The following ANKS1B variants were observed in gnomAD, a reference collection of about 807,000 sequenced individuals.
ANKS1B encodes the protein ankyrin repeat and sterile alpha motif domain containing 1B, also known as ankyrin repeat and sterile alpha motif domain-containing protein 1B.
A neutral mutation model predicts 148.3 loss-of-function variants in ANKS1B; 36 were observed. That is an observed-to-expected ratio of 0.24 (90% confidence interval 0.19 to 0.32). ANKS1B has a LOEUF of 0.32. Ranked by LOEUF, ANKS1B falls within the 10% of genes least tolerant of loss-of-function variation. The probability of loss-of-function intolerance (pLI) is 1.00; values close to 1 mark genes in which losing one functional copy is unlikely to be tolerated. For missense variants in ANKS1B, 1,157 were observed against 1,542.6 expected (o/e 0.75, Z 4.19); for synonymous variants, 542 against 560.8 (o/e 0.97, Z 0.47).
chr12:98,867,071 T>C (rs984757449), intron 17 of ANKS1B, among the ~76,000 whole-genome samples: 1 of 152,218 alleles, frequency 6.6e-6, no homozygotes, highest in South Asian at 2.1e-4. Context: ...GGAAAAACTA[T>C]ATGCAGAAAC....
intron 1 of ANKS1B, among the ~76,000 whole-genome samples, chr12:99,913,458 T>A (rs2094070158): frequency 6.6e-6 from 1 of 152,214 alleles, no homozygotes; most frequent in South Asian, 2.1e-4. Flanking sequence ...TCCTGAGGCC[T>A]AAGAAAGCTA....
chr12:99,036,690 AG>A (rs1331753365), intron 17 of ANKS1B, among the ~76,000 whole-genome samples: 19 of 152,384 alleles, frequency 1.2e-4, no homozygotes, highest in African/African-American at 4.1e-4. Context: ...ACTGGAGAAG[AG>A]ACTGCAATGA....
chr12:98,955,404 C>T (rs2099860537), intron 17 of ANKS1B, among the ~76,000 whole-genome samples: 1 of 152,032 alleles, frequency 6.6e-6, no homozygotes, highest in African/African-American at 2.4e-5. Flanking sequence ...GTAGAAGGAG[C>T]TTGCAGGAGA....
In ANKS1B at chr12:99,533,841, G is replaced by C. The variant is rs529126063; in HGVS notation, c.1273-29200C>G. ...ACACAGAGTAGACTTTCAAAATATT[G>C]AATTATTTATGTTAAATGACTCAAT... On this transcript the variant is annotated intron_variant, in intron 9 of 26. Transcript: ENST00000683438. Among the ~76,000 whole-genome samples, 7 of 151,976 alleles carry C rather than the reference G, an allele frequency of 4.6e-5. No homozygotes were observed. In the South Asian group the frequency reaches 1.3e-3, roughly 27 times the overall value.
intron 9 of ANKS1B, among the ~76,000 whole-genome samples, chr12:99,618,010 C>T (rs943966155): frequency 1.3e-5 from 2 of 152,108 alleles, no homozygotes; most frequent in African/African-American, 4.8e-5. Flanking sequence ...TACAATTTAG[C>T]TCCTAACCAC....
At chr12:99,643,442 C>T (rs556335401) in intron 9 of ANKS1B, among the ~76,000 whole-genome samples, 24 of 152,146 alleles carry the variant, frequency 1.6e-4, no homozygotes, top group Admixed American at 1.4e-3. Flanking sequence ...GTCAACAGTC[C>T]GAAGCAATTC....
intron 9 of ANKS1B, among the ~76,000 whole-genome samples, chr12:99,617,243 A>T (rs1169475111): frequency 1.3e-5 from 2 of 152,232 alleles, no homozygotes; most frequent in African/African-American, 4.8e-5. Flanking sequence ...GCAATTCCTC[A>T]ATGATATAAA....
intron 9 of ANKS1B, among the ~76,000 whole-genome samples, chr12:99,573,345 G>A (rs1444250783): frequency 6.6e-6 from 1 of 151,900 alleles, no homozygotes; most frequent in African/African-American, 2.4e-5. Context: ...AAAATATCTA[G>A]ACATACATTG....
At chr12:99,167,843 A>G (rs2153834628) in intron 14 of ANKS1B, among the ~76,000 whole-genome samples, 1 of 152,358 alleles carries the variant, frequency 6.6e-6, no homozygotes, top group South Asian at 2.1e-4. Flanking sequence ...TGGCATATCT[A>G]TACAACTGAA....
intron 14 of ANKS1B, among the ~76,000 whole-genome samples, chr12:99,167,957 T>C (rs1242643258): frequency 6.6e-6 from 1 of 152,216 alleles, no homozygotes; most frequent in Non-Finnish European, 1.5e-5. Flanking sequence ...AAAGAATACA[T>C]TCTGTATGAT....
At chr12:99,087,349 T>G (rs540365358) in intron 15 of ANKS1B, among the ~76,000 whole-genome samples, 20 of 152,146 alleles carry the variant, frequency 1.3e-4, no homozygotes, top group Non-Finnish European at 2.6e-4. Flanking sequence ...ACAAAAGCAT[T>G]CCACCTACTC....
At chr12:99,289,884 C>G (rs1233340713) in intron 12 of ANKS1B, among the ~76,000 whole-genome samples, 8 of 151,292 alleles carry the variant, frequency 5.3e-5, no homozygotes, top group Admixed American at 5.3e-4. Context: ...AAAGCTAGAA[C>G]AAAACAAACA....
At chr12:99,809,352 C>G (rs1018501001) in intron 3 of ANKS1B, among the ~76,000 whole-genome samples, 15 of 150,704 alleles carry the variant, frequency 1.0e-4, no homozygotes, top group Non-Finnish European at 4.4e-5. Flanking sequence ...GATAAGGCCC[C>G]TCTGGGTTTT....
At chr12:99,041,047 G>A (rs149711903) in intron 17 of ANKS1B, among the ~76,000 whole-genome samples, 3 of 152,184 alleles carry the variant, frequency 2.0e-5, no homozygotes, top group African/African-American at 7.2e-5. Context: ...ATAAAGACCT[G>A]TACTTGGCAG....
At chr12:99,830,452 C>CG (rs2083792013) in intron 1 of ANKS1B, among the ~76,000 whole-genome samples, 1 of 151,270 alleles carries the variant, frequency 6.6e-6, no homozygotes, top group African/African-American at 2.4e-5. Context: ...GAAGAATTTA[C>CG]GGGAAAAAAA....
chr12:99,713,169 A>G (rs1446206917), intron 8 of ANKS1B, among the ~76,000 whole-genome samples: 4 of 152,132 alleles, frequency 2.6e-5, no homozygotes, highest in Non-Finnish European at 5.9e-5. Flanking sequence ...CCTGGCTCCT[A>G]TTGAGATCTG....
At chr12:98,857,371 G>A (rs1203683175) in intron 17 of ANKS1B, among the ~76,000 whole-genome samples, 1 of 152,196 alleles carries the variant, frequency 6.6e-6, no homozygotes. Flanking sequence ...AATGACCTCG[G>A]CAGCCAGGAA....
intron 10 of ANKS1B, among the ~76,000 whole-genome samples, chr12:99,472,737 C>T (rs2096262255): frequency 6.6e-6 from 1 of 152,008 alleles, no homozygotes; most frequent in Non-Finnish European, 1.5e-5. Context: ...ACAATGCTGT[C>T]ATCACCAATC....
intron 14 of ANKS1B, among the ~76,000 whole-genome samples, chr12:99,209,503 C>A (rs188740502): frequency 3.4e-4 from 52 of 152,164 alleles, no homozygotes; most frequent in African/African-American, 1.1e-3. Context: ...GAAAACAAGA[C>A]CTGCTCTCTT....
Sources: allele counts gnomAD v4.1 joint callset (sites outside exome capture counted in the v4.1 genomes callset), GRCh38; gene constraint gnomAD v4.1.1; transcripts MANE v1.5; gene names NCBI Gene and HGNC (gene_info 2026-07-23, HGNC 2026-07-21).